The following CMTR1 variants were observed in gnomAD, a reference collection of about 807,000 sequenced individuals.
CMTR1 encodes cap methyltransferase 1.
A neutral mutation model predicts 107.0 loss-of-function variants in CMTR1; 39 were observed. The ratio of observed to expected loss-of-function variants is 0.36; its 90% confidence interval spans 0.28 to 0.48. The LOEUF (loss-of-function observed/expected upper bound fraction) is 0.48, where lower values mean the gene tolerates loss of function less well. Ranked by LOEUF, CMTR1 falls within the 20% of genes least tolerant of loss-of-function variation. The probability of loss-of-function intolerance (pLI) is 0.99; values close to 1 mark genes in which losing one functional copy is unlikely to be tolerated. For synonymous variants in CMTR1, 366 were observed against 379.5 expected (o/e 0.96, Z 0.41); for missense variants, 672 against 1,064.9 (o/e 0.63, Z 5.14).
chr6:37,441,261 T>C (rs1161669412), intron 2 of CMTR1, among the ~76,000 whole-genome samples: 1 of 152,120 alleles, frequency 6.6e-6, no homozygotes, highest in Non-Finnish European at 1.5e-5. Context: ...CATGGGAGAA[T>C]AGATGAGAGG....
chr6:37,480,542 C>T lies in CMTR1; in HGVS notation c.*397C>T. ...GTTCCATGCACTGCCCTGAGGGTAG[C>T]CATGCCCTTGCTTTGCCCAACTTTT... On this transcript the variant is annotated 3_prime_UTR_variant, in exon 24 of 24. Coordinates refer to ENST00000373451, the MANE Select transcript of CMTR1 (RefSeq NM_015050.3). The T allele has an allele frequency of 9.5e-7, 1 of 1,054,590 alleles. No individual in the cohort carries two copies. Among genetic ancestry groups the T allele is most frequent in the Non-Finnish European group, 1.1e-6 (1 of 875,120 alleles). The allele number at this position is 1,054,590 out of a possible 1,614,324, so 65.3% of individuals were successfully genotyped here.
At chr6:37,450,144 C>T (rs759620737) in intron 4 of CMTR1, 107 bp from the exon 5 acceptor site, 13 of 899,102 alleles carry the variant, frequency 1.4e-5, no homozygotes, top group East Asian at 7.7e-5. Flanking sequence ...GCACCCTTCT[C>T]GGTCTGTCTC....
intron 17 of CMTR1, 35 bp downstream of exon 17, chr6:37,473,636 A>G (rs759938946): frequency 6.2e-7 from 1 of 1,604,936 alleles, no homozygotes; most frequent in Non-Finnish European, 8.5e-7. Context: ...CCAGCTTGGA[A>G]TGGTGGATTT....
chr6:37,431,155 T>C (rs1771357862), upstream of CMTR1, among the ~76,000 whole-genome samples: 2 of 152,162 alleles, frequency 1.3e-5, no homozygotes, highest in Non-Finnish European at 2.9e-5. Context: ...TTGAATGCAT[T>C]CTCTCATTAT....
Position 37,458,360 on chromosome 6 carries a change from A to T in CMTR1, c.778-252A>T, listed in dbSNP as rs1302226235. Among the ~76,000 whole-genome samples the T allele has an allele frequency of 6.6e-6, 1 of 151,980 alleles. No homozygotes were observed. The highest frequency in any genetic ancestry group is 1.5e-5 in the Non-Finnish European group (1 of 67,960). ...TTGAGCCACCGCGCCTGGCTCCATG[A>T]AGATGTTTTTATGAGGAGTCTGAGC... On this transcript the variant is annotated intron_variant, in intron 8 of 23. Transcript: ENST00000373451. The surrounding 1 kb of genome is among the most constrained non-coding windows in gnomAD (Gnocchi z 4.7).
At chr6:37,432,300 A>T (rs1771401107), upstream of CMTR1, among the ~76,000 whole-genome samples, 1 of 152,244 alleles carries the variant, frequency 6.6e-6, no homozygotes, top group African/African-American at 2.4e-5. Flanking sequence ...TTGGGTTGTG[A>T]CAGGATCAGG....
intron 15 of CMTR1, 39 bp downstream of exon 15, chr6:37,471,943 G>GA (rs917225386): frequency 5.0e-6 from 8 of 1,594,716 alleles, no homozygotes; most frequent in Non-Finnish European, 6.8e-6. Flanking sequence ...TCAGGGCAGG[G>GA]AAGCCATAGA....
intron 13 of CMTR1, among the ~76,000 whole-genome samples, chr6:37,465,798 C>G (rs1461396586): frequency 6.7e-6 from 1 of 149,340 alleles, no homozygotes; most frequent in Non-Finnish European, 1.5e-5. Flanking sequence ...TCTGGCTGAC[C>G]TTTGGCTGTT....
At chr6:37,432,728 C>T (rs543605653), upstream of CMTR1, among the ~76,000 whole-genome samples, 1 of 152,282 alleles carries the variant, frequency 6.6e-6, no homozygotes, top group African/African-American at 2.4e-5. Context: ...GCCATATTGG[C>T]CTGAAAATCA....
chr6:37,461,696 A>G (rs775404954), intron 11 of CMTR1, 51 bp downstream of exon 11: 6 of 1,229,542 alleles, frequency 4.9e-6, no homozygotes, highest in Admixed American at 4.4e-5. Context: ...TAGAGGCCCT[A>G]TTGGACAAGA....
chr6:37,450,274 A>G lies in CMTR1; in HGVS notation c.468A>G (p.Ser156=). Residue 156 remains serine, a synonymous_variant, in exon 5 of 24, where the codon TCA becomes TCG. Transcript: ENST00000373451. The stretch of plus-strand genomic sequence containing the variant: ...AGCCCAGTGCTTGTGAGCAGGTGTC[A>G]TGGTTTCCAGAATGTACCACTGAAA... ...EPEPSACEQV[S]WFPECTTEIP... is the part of the protein sequence containing the mutation. The G allele has an allele frequency of 1.2e-6, 2 of 1,614,082 alleles. No individual in the cohort carries two copies. Among genetic ancestry groups the G allele is most frequent in the Non-Finnish European group, 1.7e-6 (2 of 1,179,996 alleles).
intron 20 of CMTR1, among the ~76,000 whole-genome samples, chr6:37,477,270 G>A (rs1761757968): frequency 6.6e-6 from 1 of 152,216 alleles, no homozygotes; most frequent in Admixed American, 6.5e-5. Flanking sequence ...ATGACTTGGG[G>A]GTGGGAATGC....
intron 20 of CMTR1, among the ~76,000 whole-genome samples, chr6:37,477,331 G>C (rs1206183735): frequency 2.0e-5 from 3 of 152,192 alleles, no homozygotes; most frequent in Non-Finnish European, 4.4e-5. Context: ...TCTCCCTCCT[G>C]TCTTCAGTAT....
At chr6:37,424,138 G>A in the CMTR1 span, among the ~76,000 whole-genome samples, 1 of 152,108 alleles carries the variant, frequency 6.6e-6, no homozygotes, top group Non-Finnish European at 1.5e-5. Context: ...GATTTTACAG[G>A]CTGCTCTTTG....
At chr6:37,451,696 G>C (rs1430659066) in intron 5 of CMTR1, 110 bp from the exon 6 acceptor site, 1 of 747,862 alleles carries the variant, frequency 1.3e-6, no homozygotes, top group African/African-American at 1.8e-5. Flanking sequence ...TTTCTTGGCA[G>C]AGAACCAAGT....
In CMTR1 at chr6:37,472,795, C is replaced by T. The variant is rs533238898; in HGVS notation, c.1689+308C>T. Among the ~76,000 whole-genome samples, 78 of 152,314 alleles carry T rather than the reference C, an allele frequency of 5.1e-4. No individual in the cohort carries two copies. The highest frequency in any genetic ancestry group is 1.0e-3 in the Non-Finnish European group (70 of 68,022). On this transcript the variant is annotated intron_variant, in intron 16 of 23. Transcript: ENST00000373451. This position sits in a 1 kb window ranked among gnomAD's most constrained non-coding sequence, Gnocchi z 4.1. ...TTCAGGGTCCTGTGGGATTTGCCTA[C>T]AAAGGAGACATAGAGTGTGGGATGA...
chr6:37,446,236 T>G (rs563780839), intron 3 of CMTR1, 55 bp from the exon 4 acceptor site: 541 of 1,581,602 alleles, frequency 3.4e-4, no homozygotes, highest in Non-Finnish European at 4.4e-4. Flanking sequence ...GTGATGGGGC[T>G]AAATAAATGT....
chr6:37,444,183 C>G, intron 3 of CMTR1, 33 bp downstream of exon 3: 1 of 1,605,410 alleles, frequency 6.2e-7, no homozygotes. Context: ...TTTCTCAAGC[C>G]CCACCAGCAG....
At chr6:37,431,928 G>C (rs1416015089), upstream of CMTR1, among the ~76,000 whole-genome samples, 1 of 152,190 alleles carries the variant, frequency 6.6e-6, no homozygotes, top group Non-Finnish European at 1.5e-5. Flanking sequence ...CGATTTTCCT[G>C]ACTTACCCTA....
Sources: gnomAD v4.1 joint callset for allele counts (sites outside exome capture counted in the v4.1 genomes callset) on GRCh38, gnomAD v4.1.1 for gene constraint, Gnocchi (gnomAD v3.1) non-coding constraint, MANE v1.5 for transcripts, NCBI Gene and HGNC (gene_info 2026-07-23, HGNC 2026-07-21) for gene names.